Variants in RBFOX1 observed in about 807,000 individuals in gnomAD.
RBFOX1 encodes the protein RNA binding protein fox-1 homolog 1.
Under a neutral mutation model 57.7 loss-of-function variants are expected in RBFOX1, and 8 were observed. The ratio of observed to expected loss-of-function variants is 0.14; its 90% CI spans 0.08 to 0.25. The LOEUF is 0.25. Among genes scored for constraint, RBFOX1 ranks in the 10% least tolerant of loss-of-function variants. The probability of loss-of-function intolerance (pLI) is 1.00; values close to 1 mark genes in which losing one functional copy is unlikely to be tolerated. For missense variants in RBFOX1, 611 were observed against 548.5 expected (o/e 1.11, Z -1.14); for synonymous variants, 326 against 222.4 (o/e 1.47, Z -4.15).
chr16:6,124,681 G>GT (rs1211264554), intron 1 of RBFOX1, among the ~76,000 whole-genome samples: 1 of 151,752 alleles, frequency 6.6e-6, no homozygotes. Context: ...TGTTGTTGTT[G>GT]TTTTTTGTTT....
intron 10 of RBFOX1, among the ~76,000 whole-genome samples, chr16:7,612,320 C>CAAAAAAAAA (rs60248765): frequency 1.1e-4 from 8 of 71,458 alleles, no homozygotes; most frequent in African/African-American, 3.9e-4. Flanking sequence ...GACTCCATCT[C>CAAAAAAAAA]AAAAAAAAAA....
chr16:6,895,482 ATATATT>A lies in RBFOX1; in HGVS notation c.-15-156571_-15-156566del, dbSNP rs200780686. Reference sequence around the variant, plus strand: ...TATATATATATATATATATATATATATATATTTATTCCCCTATTGGATAACAAGCTG... The same window carrying A: ...TATATATATATATATATATATATATATATTCCCCTATTGGATAACAAGCTG... On this transcript the variant is annotated intron_variant, in intron 3 of 15. Transcript: ENST00000550418. 5.9e-3 allele frequency among the ~76,000 whole-genome samples: 558 copies of A among 93,908 alleles called. 10 individuals are homozygous for A. The highest frequency in any genetic ancestry group is 7.7e-3 in the Non-Finnish European group (345 of 44,830). The allele number at this position is 93,908 out of a possible 152,430, so 61.6% of individuals were successfully genotyped here. A position where few individuals can be genotyped will look rare whatever the true frequency, so the allele number is the denominator to read the frequency against.
At chr16:6,017,080 T>C (rs2094998573), upstream of RBFOX1, among the ~76,000 whole-genome samples, 1 of 152,166 alleles carries the variant, frequency 6.6e-6, no homozygotes, top group Admixed American at 6.5e-5. Context: ...GATTTTCAGA[T>C]AGATGAATAT....
chr16:6,570,599 G>A (rs1266059560), intron 2 of RBFOX1, among the ~76,000 whole-genome samples: 1 of 152,036 alleles, frequency 6.6e-6, no homozygotes, highest in Non-Finnish European at 1.5e-5. Flanking sequence ...TTGTTTATCT[G>A]TATCTCTAGC....
At chr16:5,365,952 G>T (rs1463291582) in intron 1 of RBFOX1, 1 of 493,330 alleles carries the variant, frequency 2.0e-6, no homozygotes, top group Non-Finnish European at 4.0e-6. Flanking sequence ...AGGGGCTGGT[G>T]TGAAGGATGA....
intron 4 of RBFOX1, among the ~76,000 whole-genome samples, chr16:7,061,747 C>T (rs892814316): frequency 6.6e-6 from 1 of 152,122 alleles, no homozygotes; most frequent in Admixed American, 6.5e-5. Context: ...GCTAATAATG[C>T]TGACATTTTA....
intron 4 of RBFOX1, among the ~76,000 whole-genome samples, chr16:5,917,064 C>G (rs1358639797): frequency 2.0e-5 from 3 of 152,126 alleles, no homozygotes; most frequent in African/African-American, 7.2e-5. Context: ...TCACCGCACC[C>G]TGCAGGCGTG....
In RBFOX1 at chr16:7,470,757, G is replaced by C. The variant is rs141395804; in HGVS notation, c.28-47390G>C. On this transcript the variant is annotated intron_variant, in intron 4 of 15. Transcript: ENST00000550418. ...GATGAGCCCAAGCAGATTCCTCAAGGAGTAGAATTTGATTTATGCCATTGA... is the reference window on the plus strand; with the variant it reads ...GATGAGCCCAAGCAGATTCCTCAAGCAGTAGAATTTGATTTATGCCATTGA... 2.0e-5 allele frequency among the ~76,000 whole-genome samples: 3 copies of C among 152,098 alleles called. No homozygotes were observed. The East Asian group carries it at 5.8e-4, about 29-fold the overall frequency.
intron 3 of RBFOX1, among the ~76,000 whole-genome samples, chr16:5,690,317 G>T (rs140729713): frequency 1.1e-4 from 16 of 152,212 alleles, no homozygotes; most frequent in African/African-American, 3.9e-4. Context: ...CTCCTGAAAG[G>T]AATACTCCTC....
At chr16:7,155,726 T>TACACACAC (rs1223979462) in intron 4 of RBFOX1, among the ~76,000 whole-genome samples, 1 of 100,968 alleles carries the variant, frequency 9.9e-6, no homozygotes, top group African/African-American at 5.2e-5. Context: ...TATATATATA[T>TACACACAC]ATATATATAT....
chr16:7,263,674 T>G lies in RBFOX1; in HGVS notation c.27+211576T>G, dbSNP rs571284546. On this transcript the variant is annotated intron_variant, in intron 4 of 15. Transcript: ENST00000550418. Reference sequence around the variant, plus strand: ...GCACAGAGAGGCCGAGGCAGGTGGATTACATGAGGTCAGGAGTTCGAGACC... The same window carrying G: ...GCACAGAGAGGCCGAGGCAGGTGGAGTACATGAGGTCAGGAGTTCGAGACC... Among the ~76,000 whole-genome samples the G allele has an allele frequency of 6.6e-5, 10 of 152,000 alleles. No individual in the cohort carries two copies. The South Asian group carries it at 1.7e-3, about 25-fold the overall frequency.
chr16:6,285,054 G>T (rs1372214848), intron 1 of RBFOX1, among the ~76,000 whole-genome samples: 3 of 152,076 alleles, frequency 2.0e-5, no homozygotes, highest in Non-Finnish European at 4.4e-5. Context: ...CAAGGAAATC[G>T]CAGGAATGTT....
chr16:7,208,355 A>G (rs117031198), intron 4 of RBFOX1, among the ~76,000 whole-genome samples: 1 of 152,174 alleles, frequency 6.6e-6, no homozygotes, highest in Non-Finnish European at 1.5e-5. Context: ...GAATTTATAA[A>G]GAAAAGAGGG....
At chr16:6,875,590 A>G (rs370883741) in intron 3 of RBFOX1, among the ~76,000 whole-genome samples, 1 of 152,222 alleles carries the variant, frequency 6.6e-6, no homozygotes, top group Non-Finnish European at 1.5e-5. Flanking sequence ...ATGTGTTAAG[A>G]CCTTGTTTAT....
intron 1 of RBFOX1, among the ~76,000 whole-genome samples, chr16:5,350,363 C>T (rs753605357): frequency 7.2e-5 from 11 of 152,206 alleles, no homozygotes; most frequent in South Asian, 2.1e-4. Flanking sequence ...TTCTGGGAAA[C>T]GGCTGTTGGC....
chr16:5,660,198 G>C (rs1045681211), intron 3 of RBFOX1, among the ~76,000 whole-genome samples: 6 of 152,138 alleles, frequency 3.9e-5, no homozygotes, highest in African/African-American at 1.4e-4. Flanking sequence ...ATGATGTTTA[G>C]AGTCAAGGTT....
At chr16:6,568,788 G>A (rs938676565) in intron 2 of RBFOX1, among the ~76,000 whole-genome samples, 2 of 151,754 alleles carry the variant, frequency 1.3e-5, no homozygotes, top group Non-Finnish European at 2.9e-5. Flanking sequence ...ATTATTTTTT[G>A]AGATTGAGTC....
intron 2 of RBFOX1, among the ~76,000 whole-genome samples, chr16:6,440,903 T>C (rs956641407): frequency 6.6e-6 from 1 of 151,542 alleles, no homozygotes; most frequent in Non-Finnish European, 1.5e-5. Context: ...GCTGGGAGAA[T>C]AGAAGGCAAT....
chr16:7,651,127 A>T (rs1044898435), intron 11 of RBFOX1, among the ~76,000 whole-genome samples: 2 of 152,238 alleles, frequency 1.3e-5, no homozygotes, highest in African/African-American at 4.8e-5. Flanking sequence ...AGACGGAATC[A>T]TTCTGGGTTC....
Sources: allele counts gnomAD v4.1 joint callset (sites outside exome capture counted in the v4.1 genomes callset), GRCh38; gene constraint gnomAD v4.1.1; transcripts MANE v1.5; gene names NCBI Gene and HGNC (gene_info 2026-07-23, HGNC 2026-07-21).